Variants in GPATCH2L observed in about 807,000 individuals in gnomAD.
GPATCH2L encodes the protein G-patch domain containing 2 like, also known as G patch domain-containing protein 2-like.
GPATCH2L carries 31 observed loss-of-function variants against 57.4 expected under a neutral mutation model. The observed-to-expected ratio is 0.54, with a 90% confidence interval of 0.41 to 0.73. The LOEUF is 0.73. GPATCH2L is among the 30% of genes least tolerant of loss of function. The probability of loss-of-function intolerance (pLI) is 0.00; values close to 1 mark genes in which losing one functional copy is unlikely to be tolerated. For synonymous variants in GPATCH2L, 199 were observed against 210.7 expected, an observed-to-expected ratio of 0.94 and a Z score of 0.48; for missense variants, 481 against 599.9, an observed-to-expected ratio of 0.80 and a Z score of 2.07.
chr14:76,180,325 A>G (rs1220858017), intron 7 of GPATCH2L, among the ~76,000 whole-genome samples: 1 of 152,204 alleles, frequency 6.6e-6, no homozygotes. Context: ...TTCTCTTTCC[A>G]CAATACTATG....
rs76790545 is a variant in GPATCH2L, at chr14:76,206,328, A to G, written c.*4477A>G. 0.013 allele frequency: 1,963 copies of G among 152,392 alleles called. 27 individuals are homozygous for G. Among genetic ancestry groups the G allele is most frequent in the South Asian group, 0.02 (97 of 4,824 alleles). 9.4% of individuals were successfully genotyped at this position (152,392 alleles called of 1,614,324 possible). On this transcript the variant is annotated 3_prime_UTR_variant, in exon 10 of 10. Coordinates refer to ENST00000261530, the MANE Select transcript of GPATCH2L (RefSeq NM_017926.4). The stretch of plus-strand genomic sequence containing the variant: ...GTGTTAACGTCTCCAAAAGATGAAC[A>G]TCAAATGCCCGGAAACAGCAACATC...
chr14:76,158,876 T>C (rs2139568086), intron 2 of GPATCH2L, among the ~76,000 whole-genome samples: 1 of 152,298 alleles, frequency 6.6e-6, no homozygotes, highest in East Asian at 1.9e-4. Context: ...CTATTGTACT[T>C]GAAGGTCTAT....
chr14:76,231,239 T>G (rs2040559969), intron 2 of GPATCH2L, among the ~76,000 whole-genome samples: 2 of 152,218 alleles, frequency 1.3e-5, no homozygotes, highest in African/African-American at 4.8e-5. Flanking sequence ...CCCTCACTGT[T>G]GGTACTGACC....
At chr14:76,159,311 A>G (rs2038460348) in intron 2 of GPATCH2L, among the ~76,000 whole-genome samples, 1 of 152,216 alleles carries the variant, frequency 6.6e-6, no homozygotes, top group Admixed American at 6.5e-5. Context: ...AGTCATCTTC[A>G]AAGATTCATT....
chr14:76,154,269 A>G lies in GPATCH2L; in HGVS notation c.-10-85A>G. On this transcript the variant is annotated intron_variant, in intron 1 of 9. Transcript: ENST00000261530. The surrounding 1 kb of genome is among the most constrained non-coding windows in gnomAD (Gnocchi z 4.4). ...CTACCATGATCTGTTTCATCAAATT[A>G]TTCCAAAACAACAGATCCTTTTTCA... 8.6e-7 allele frequency: 1 copy of G among 1,168,752 alleles called. No individual in the cohort carries two copies. The highest frequency in any genetic ancestry group is 1.2e-6 in the Non-Finnish European group (1 of 828,174). 72.4% of individuals were successfully genotyped at this position (1,168,752 alleles called of 1,614,324 possible). A position where few individuals can be genotyped will look rare whatever the true frequency, so the allele number is the denominator to read the frequency against.
downstream of GPATCH2L, among the ~76,000 whole-genome samples, chr14:76,216,158 CTAAA>C (rs1323083805): frequency 5.4e-5 from 8 of 149,476 alleles, no homozygotes; most frequent in African/African-American, 1.9e-4. Context: ...AAGGTAAACA[CTAAA>C]TAAGCCACCA....
intron 1 of GPATCH2L, among the ~76,000 whole-genome samples, chr14:76,226,721 G>C (rs892573450): frequency 6.6e-6 from 1 of 152,178 alleles, no homozygotes; most frequent in Non-Finnish European, 1.5e-5. Context: ...CAGCAAGAAG[G>C]TTCTCATCAG....
intron 3 of GPATCH2L, among the ~76,000 whole-genome samples, chr14:76,168,299 G>C (rs8006797): frequency 0.21 from 31,275 of 152,172 alleles, 3,564 homozygotes; most frequent in African/African-American, 0.3. Context: ...TCAATTTCTT[G>C]TTGGGGTTGG....
intron 6 of GPATCH2L, among the ~76,000 whole-genome samples, chr14:76,177,701 T>G (rs575443564): frequency 2.1e-5 from 3 of 142,508 alleles, no homozygotes; most frequent in Admixed American, 7.1e-5. Flanking sequence ...GAAGAGGTTT[T>G]TTTTTGTTTT....
chr14:76,229,447 A>G (rs145476108), intron 1 of GPATCH2L, among the ~76,000 whole-genome samples: 85 of 152,260 alleles, frequency 5.6e-4, no homozygotes, highest in African/African-American at 1.9e-3. Flanking sequence ...ATAATTGCTC[A>G]TGTTTGTCAG....
At chr14:76,218,523 CCAAA>C (rs997826894), downstream of GPATCH2L, among the ~76,000 whole-genome samples, 21 of 151,120 alleles carry the variant, frequency 1.4e-4, no homozygotes, top group East Asian at 9.7e-4. Flanking sequence ...GAAACAAGAC[CCAAA>C]CAAACGGGAA....
At chr14:76,229,595 G>A (rs1305435202) in intron 1 of GPATCH2L, among the ~76,000 whole-genome samples, 1 of 152,088 alleles carries the variant, frequency 6.6e-6, no homozygotes, top group African/African-American at 2.4e-5. Flanking sequence ...TGCCCTCTAC[G>A]CTATGGGCCC....
chr14:76,179,479 G>A (rs1273491718), intron 7 of GPATCH2L: 1 of 152,256 alleles, frequency 6.6e-6, no homozygotes, highest in Non-Finnish European at 1.5e-5. Context: ...TCCAAAGGCA[G>A]AAGGGGACCT....
rs2040412835 is a variant in GPATCH2L at position 76,209,172 on chromosome 14, ACTT to A, written c.*7325_*7327del. The A allele has an allele frequency of 6.6e-6, 1 of 152,358 alleles. No individual in the cohort carries two copies. Among genetic ancestry groups the A allele is most frequent in the Admixed American group, 6.5e-5 (1 of 15,276 alleles). 9.4% of individuals were successfully genotyped at this position (152,358 alleles called of 1,614,324 possible). ...ACCCTACTTTCCTGATTTTTCTGCC[ACTT>A]CTTTGCTCTTTCTCAGTTTCTGTGG... is the stretch of plus-strand genomic sequence containing the variant. On this transcript the variant is annotated 3_prime_UTR_variant, in exon 10 of 10. Transcript: ENST00000261530.
At position 76,206,435 on chromosome 14, in the gene GPATCH2L, C is replaced by G. The variant is rs1358605750; in HGVS notation, c.*4584C>G. 2 of 151,980 alleles carry G rather than the reference C, an allele frequency of 1.3e-5. No homozygotes were observed. Among genetic ancestry groups the G allele is most frequent in the African/African-American group, 4.8e-5 (2 of 41,330 alleles). 9.4% of individuals were successfully genotyped at this position (151,980 alleles called of 1,614,324 possible). ...CAAGTCCAGCAAAACAAACTATGGCCAAAAGAAGAAATTTTTCTGTCACTG... is the reference window on the plus strand; with the variant it reads ...CAAGTCCAGCAAAACAAACTATGGCGAAAAGAAGAAATTTTTCTGTCACTG... On this transcript the variant is annotated 3_prime_UTR_variant, in exon 10 of 10. Coordinates refer to ENST00000261530, the MANE Select transcript of GPATCH2L (RefSeq NM_017926.4).
chr14:76,196,103 C>G, intron 9 of GPATCH2L, 131 bp downstream of exon 9: 1 of 775,722 alleles, frequency 1.3e-6, no homozygotes, highest in South Asian at 1.4e-5. Flanking sequence ...CATGGGAAAA[C>G]TGAGACTACA....
At chr14:76,177,789 T>C (rs2039396827) in intron 6 of GPATCH2L, 199 bp from the exon 7 acceptor site, 1 of 718,998 alleles carries the variant, frequency 1.4e-6, no homozygotes, top group East Asian at 2.7e-5. Context: ...CCCTTCTTTG[T>C]CTTTACTTAA....
chr14:76,163,069 T>C (rs1048847186), intron 2 of GPATCH2L, among the ~76,000 whole-genome samples: 4 of 152,190 alleles, frequency 2.6e-5, no homozygotes, highest in Non-Finnish European at 5.9e-5. Flanking sequence ...GGATTGACTT[T>C]AGTAAATGAG....
chr14:76,193,555 A>C (rs111418675), intron 8 of GPATCH2L, among the ~76,000 whole-genome samples: 2,385 of 152,304 alleles, frequency 0.016, 22 homozygotes, highest in Non-Finnish European at 0.024. Context: ...ATAAACATAC[A>C]GGGAAGAGTA....
Sources: allele counts gnomAD v4.1 joint callset (sites outside exome capture counted in the v4.1 genomes callset), GRCh38; gene constraint gnomAD v4.1.1; non-coding constraint Gnocchi (gnomAD v3.1); transcripts MANE v1.5; gene names NCBI Gene and HGNC (gene_info 2026-07-23, HGNC 2026-07-21).